ANKS1B: variants seen among roughly 807,000 people sequenced by gnomAD.
ANKS1B encodes ankyrin repeat and sterile alpha motif domain-containing protein 1B.
A neutral mutation model predicts 148.3 loss-of-function variants in ANKS1B; 36 were observed. The observed-to-expected ratio is 0.24, with a 90% CI of 0.19 to 0.32. ANKS1B has a LOEUF of 0.32. ANKS1B is among the 10% of genes least tolerant of loss of function. ANKS1B has a pLI of 1.00. For missense variants in ANKS1B, 1,157 were observed against 1,542.6 expected, an observed-to-expected ratio of 0.75 and a Z score of 4.19; for synonymous variants, 542 against 560.8, an observed-to-expected ratio of 0.97 and a Z score of 0.47.
At chr12:98,885,968 C>T (rs1418032788) in intron 17 of ANKS1B, among the ~76,000 whole-genome samples, 1 of 151,492 alleles carries the variant, frequency 6.6e-6, no homozygotes, top group Non-Finnish European at 1.5e-5. Context: ...AAAGAAATAG[C>T]ACGGCAGATA....
intron 15 of ANKS1B, among the ~76,000 whole-genome samples, chr12:99,100,622 C>G (rs1198130034): frequency 6.6e-6 from 1 of 152,232 alleles, no homozygotes; most frequent in Middle Eastern, 3.2e-3. Context: ...CTCCACCCTC[C>G]AGGTTCCAGT....
chr12:99,072,528 T>G (rs966395096), intron 16 of ANKS1B, among the ~76,000 whole-genome samples: 3 of 152,140 alleles, frequency 2.0e-5, no homozygotes, highest in African/African-American at 7.2e-5. Context: ...AAGAGAGTTA[T>G]TTTTTGAGCC....
At chr12:99,323,816 A>C in intron 12 of ANKS1B, among the ~76,000 whole-genome samples, 1 of 152,302 alleles carries the variant, frequency 6.6e-6, no homozygotes, top group East Asian at 1.9e-4. Context: ...GTAGGAAGGA[A>C]GGCTGAGAAG....
chr12:99,666,894 GT>G lies in ANKS1B; in HGVS notation c.1129-11685del, dbSNP rs1314807425. 2.8e-3 allele frequency among the ~76,000 whole-genome samples: 404 copies of G among 146,254 alleles called. 1 individual carries two copies. Among genetic ancestry groups the G allele is most frequent in the African/African-American group, 6.5e-3 (258 of 39,984 alleles). On this transcript the variant is annotated intron_variant, in intron 8 of 26. Transcript: ENST00000683438. ...TGTGTGTGTGTGTGTGTGTGTGTGT[GT>G]GGTGAGGACACTTAGAATCAACTCT...
chr12:98,884,592 G>A (rs555593550), intron 17 of ANKS1B, among the ~76,000 whole-genome samples: 222 of 151,890 alleles, frequency 1.5e-3, no homozygotes, highest in Non-Finnish European at 2.3e-3. Flanking sequence ...GAGGTCAGGA[G>A]ATCGAGACCA....
chr12:99,523,898 C>T (rs546706745), intron 9 of ANKS1B, among the ~76,000 whole-genome samples: 39 of 152,202 alleles, frequency 2.6e-4, no homozygotes, highest in African/African-American at 7.5e-4. Flanking sequence ...TTGAATTAGA[C>T]GAGTTTTAAG....
chr12:99,927,734 A>G (rs955888213), intron 1 of ANKS1B, among the ~76,000 whole-genome samples: 2 of 152,100 alleles, frequency 1.3e-5, no homozygotes, highest in African/African-American at 4.8e-5. Flanking sequence ...GTGACTTATG[A>G]TGGCACCACT....
At chr12:98,847,110 G>T (rs1226295267) in intron 17 of ANKS1B, among the ~76,000 whole-genome samples, 3 of 152,030 alleles carry the variant, frequency 2.0e-5, no homozygotes, top group Non-Finnish European at 4.4e-5. Context: ...CATCATTTTT[G>T]TGTGTGTGGT....
intron 8 of ANKS1B, among the ~76,000 whole-genome samples, chr12:99,673,206 A>C (rs1346406758): frequency 6.6e-6 from 1 of 152,166 alleles, no homozygotes; most frequent in Non-Finnish European, 1.5e-5. Context: ...TGAGGTATAC[A>C]ACAAATGCCT....
chr12:99,417,021 G>A (rs10431450), intron 11 of ANKS1B, among the ~76,000 whole-genome samples: 40,131 of 152,006 alleles, frequency 0.26, 5,477 homozygotes, highest in East Asian at 0.43. Context: ...TCTTAAACAC[G>A]TGCTCTGTGG....
At chr12:98,753,366 C>A (rs1007209146) in intron 25 of ANKS1B, among the ~76,000 whole-genome samples, 1 of 152,174 alleles carries the variant, frequency 6.6e-6, no homozygotes, top group Non-Finnish European at 1.5e-5. Context: ...ATACTGGTCA[C>A]AGAGAGTGTT....
At chr12:99,592,750 A>G (rs2097715734) in intron 9 of ANKS1B, among the ~76,000 whole-genome samples, 1 of 152,172 alleles carries the variant, frequency 6.6e-6, no homozygotes, top group Non-Finnish European at 1.5e-5. Flanking sequence ...CCCATGACAC[A>G]GCTCTCAGGA....
chr12:98,888,256 T>C lies in ANKS1B; in HGVS notation c.2779-56120A>G, dbSNP rs551353733. On this transcript the variant is annotated intron_variant, in intron 17 of 26. Transcript: ENST00000683438. ...ACTATAGGGAACTGTTATTTTGTAC[T>C]TTGTATTTTCCTGTGTTTTTAAAAT... Among the ~76,000 whole-genome samples, 56 of 152,364 alleles carry C rather than the reference T, an allele frequency of 3.7e-4. No individual in the cohort carries two copies. The South Asian group carries it at 0.011, about 29-fold the overall frequency.
At chr12:99,017,197 C>G (rs1329506444) in intron 17 of ANKS1B, among the ~76,000 whole-genome samples, 2 of 152,194 alleles carry the variant, frequency 1.3e-5, no homozygotes, top group Non-Finnish European at 2.9e-5. Flanking sequence ...GACTTCCAAG[C>G]TGTCCTTGGT....
intron 10 of ANKS1B, among the ~76,000 whole-genome samples, chr12:99,459,809 T>C (rs931559097): frequency 2.0e-5 from 3 of 152,016 alleles, no homozygotes. Flanking sequence ...AGAATCAATA[T>C]TGTGAAAAAT....
At chr12:99,855,975 T>C (rs1230632878) in intron 1 of ANKS1B, among the ~76,000 whole-genome samples, 1 of 151,784 alleles carries the variant, frequency 6.6e-6, no homozygotes, top group African/African-American at 2.4e-5. Flanking sequence ...GGAGCACAAA[T>C]AGACAATCTA....
intron 8 of ANKS1B, among the ~76,000 whole-genome samples, chr12:99,746,517 T>C (rs1241844345): frequency 6.6e-6 from 1 of 152,194 alleles, no homozygotes; most frequent in East Asian, 1.9e-4. Context: ...TTACCCTGAA[T>C]TTTTTCTACC....
chr12:99,007,393 T>C (rs2099936730), intron 17 of ANKS1B, among the ~76,000 whole-genome samples: 1 of 152,220 alleles, frequency 6.6e-6, no homozygotes. Flanking sequence ...GAAGCTTTTT[T>C]CCCCACTTCT....
At chr12:99,432,034 G>C (rs1285838084) in intron 11 of ANKS1B, among the ~76,000 whole-genome samples, 1 of 152,108 alleles carries the variant, frequency 6.6e-6, no homozygotes, top group Admixed American at 6.5e-5. Context: ...TCCCATAAGA[G>C]GTATTTGTTA....
Sources: allele counts gnomAD v4.1 joint callset (sites outside exome capture counted in the v4.1 genomes callset), GRCh38; gene constraint gnomAD v4.1.1; transcripts MANE v1.5; gene names NCBI Gene and HGNC (gene_info 2026-07-23, HGNC 2026-07-21).